The following KBTBD2 variants were observed in gnomAD, a reference collection of about 807,000 sequenced individuals.
KBTBD2 encodes kelch repeat and BTB domain-containing protein 2.
A neutral mutation model predicts 57.1 loss-of-function variants in KBTBD2; 17 were observed. The ratio of observed to expected loss-of-function variants is 0.30; its 90% CI spans 0.20 to 0.45. The LOEUF is 0.45. Ranked by LOEUF, KBTBD2 falls within the 20% of genes least tolerant of loss-of-function variation. The pLI, the probability that KBTBD2 is intolerant of heterozygous loss-of-function variation, is 1.00. For synonymous variants in KBTBD2, 267 were observed against 262.7 expected (o/e 1.02, Z -0.16); for missense variants, 515 against 750.6 (o/e 0.69, Z 3.67).
chr7:32,882,805 G>A (rs550507441), intron 1 of KBTBD2, among the ~76,000 whole-genome samples: 11 of 148,480 alleles, frequency 7.4e-5, no homozygotes, highest in Admixed American at 1.4e-4. Flanking sequence ...CCAACATGGC[G>A]AAACCCCATC....
At position 32,869,436 on chromosome 7, in the gene KBTBD2, G is replaced by C. The variant is rs17853783; in HGVS notation, c.1781C>G (p.Ser594Cys). The change falls in exon 4 of 4, where the codon TCT becomes TGT. Residue 594 changes from serine (S) to cysteine (C), a missense_variant. Coordinates refer to ENST00000304056, the MANE Select transcript of KBTBD2 (RefSeq NM_015483.3). Reference sequence around the variant, plus strand: ...AAGATAAGTTGGTGGTTTCCATGGAGACTCTTCAAGGCAGGATGGATAGAG... The same window carrying C: ...AAGATAAGTTGGTGGTTTCCATGGACACTCTTCAAGGCAGGATGGATAGAG... ...GKLYPSCLEE[S>C]PWKPPTYLFS... The C allele has an allele frequency of 6.2e-7, 1 of 1,614,060 alleles. No individual in the cohort carries two copies. The highest frequency in any genetic ancestry group is 1.1e-5 in the South Asian group (1 of 91,070).
chr7:32,879,943 CTAAAAA>C lies in KBTBD2; in HGVS notation c.-338-7_-338-2del. ...ATGTTCAGCGGATCCTGTGGAGTAA[CTAAAAA>C]GAAAAAAAGTTCAGTTGTAGTATCT... is the stretch of plus-strand genomic sequence containing the variant. On this transcript the variant is annotated splice_acceptor_variant and splice_polypyrimidine_tract_variant and intron_variant, in intron 1 of 3. Coordinates refer to ENST00000304056, the MANE Select transcript of KBTBD2 (RefSeq NM_015483.3). LOFTEE classifies it low-confidence loss of function (5UTR_SPLICE). 5.0e-6 allele frequency: 1 copy of C among 202,004 alleles called. No homozygotes were observed. Among genetic ancestry groups the C allele is most frequent in the Non-Finnish European group, 9.9e-6 (1 of 101,224 alleles). 12.5% of individuals were successfully genotyped at this position (202,004 alleles called of 1,614,324 possible).
In KBTBD2 at chr7:32,874,292, C is replaced by G. The variant is rs528413491; in HGVS notation, c.336+700G>C. On this transcript the variant is annotated intron_variant, in intron 3 of 3. Transcript: ENST00000304056. ...GTAGGCACCTGTAGTCCCAGCTACT[C>G]GGGAGGCTGAGGCAGGAGAATGGCA... Among the ~76,000 whole-genome samples the G allele has an allele frequency of 2.6e-5, 4 of 151,868 alleles. No individual in the cohort carries two copies. The South Asian group carries it at 6.2e-4, about 24-fold the overall frequency.
chr7:32,871,404 T>TA (rs1405687351), intron 3 of KBTBD2, among the ~76,000 whole-genome samples: 2 of 152,204 alleles, frequency 1.3e-5, no homozygotes, highest in East Asian at 1.9e-4. Context: ...GAAATAGACT[T>TA]ACGTGCAGTT....
At chr7:32,891,319 T>G (rs1024626953) in intron 1 of KBTBD2, among the ~76,000 whole-genome samples, 5 of 147,856 alleles carry the variant, frequency 3.4e-5, no homozygotes, top group Admixed American at 1.3e-4. Flanking sequence ...TCCGCCGCCC[T>G]GGGGCCGCCG....
At chr7:32,876,509 T>C (rs1351137232) in intron 2 of KBTBD2, among the ~76,000 whole-genome samples, 1 of 152,156 alleles carries the variant, frequency 6.6e-6, no homozygotes, top group African/African-American at 2.4e-5. Flanking sequence ...GAATTTAGCA[T>C]GACAAAATGT....
intron 1 of KBTBD2, among the ~76,000 whole-genome samples, chr7:32,888,553 C>CA (rs376500113): frequency 1.3e-3 from 186 of 146,652 alleles, no homozygotes; most frequent in South Asian, 3.3e-3. Flanking sequence ...AAAAACAAAC[C>CA]AAAAAAAAAC....
chr7:32,873,384 CAAAA>C (rs544661966), intron 3 of KBTBD2, among the ~76,000 whole-genome samples: 7 of 107,794 alleles, frequency 6.5e-5, no homozygotes, highest in Admixed American at 9.8e-5. Flanking sequence ...AAGCTCTAAG[CAAAA>C]AAAAAAAAAA....
chr7:32,869,930 G>C lies in KBTBD2; in HGVS notation c.1287C>G (p.Asp429Glu). 6.2e-7 allele frequency: 1 copy of C among 1,613,968 alleles called. No individual in the cohort carries two copies. ...WQWSAAVVVH[D>E]CIYVMTLNLM... Reference sequence around the variant, plus strand: ...GGTTCAGTGTCATCACATAAATGCAGTCATGAACCACAACTGCTGCACTCC... The same window carrying C: ...GGTTCAGTGTCATCACATAAATGCACTCATGAACCACAACTGCTGCACTCC... The change falls in exon 4 of 4, where the codon GAC (aspartate) becomes GAG (glutamate). Residue 429 changes from aspartate to glutamate, a missense_variant. Asp to Glu is a conservative substitution (Grantham distance 45, BLOSUM62 2). Coordinates refer to ENST00000304056, the MANE Select transcript of KBTBD2 (RefSeq NM_015483.3).
rs1019097139 is a variant in KBTBD2 at position 32,868,929 on chromosome 7, C to G, written c.*416G>C. ...GCAGTTGAATTAATTACACTGAAAA[C>G]TGTATTCCAGGACTTCAGAACAGAA... is the stretch of plus-strand genomic sequence containing the variant. On this transcript the variant is annotated 3_prime_UTR_variant, in exon 4 of 4. Coordinates refer to ENST00000304056, the MANE Select transcript of KBTBD2 (RefSeq NM_015483.3). The G allele has an allele frequency of 1.3e-5, 2 of 158,832 alleles. No individual in the cohort carries two copies. The highest frequency in any genetic ancestry group is 4.8e-5 in the African/African-American group (2 of 41,490). 9.8% of individuals were successfully genotyped at this position (158,832 alleles called of 1,614,324 possible). A position where few individuals can be genotyped will look rare whatever the true frequency, so the allele number is the denominator to read the frequency against.
At chr7:32,870,955 G>T in intron 3 of KBTBD2, 75 bp from the exon 4 acceptor site, 1 of 846,568 alleles carries the variant, frequency 1.2e-6, no homozygotes, top group Non-Finnish European at 1.8e-6. Flanking sequence ...TAAGACGTAA[G>T]TATATTAATC....
chr7:32,884,786 G>A (rs1052448609), intron 1 of KBTBD2, among the ~76,000 whole-genome samples: 1 of 151,748 alleles, frequency 6.6e-6, no homozygotes, highest in African/African-American at 2.4e-5. Flanking sequence ...TAGGCTTTGG[G>A]AGCCATAAGG....
At chr7:32,886,944 G>A (rs1389204301) in intron 1 of KBTBD2, among the ~76,000 whole-genome samples, 1 of 151,588 alleles carries the variant, frequency 6.6e-6, no homozygotes, top group Non-Finnish European at 1.5e-5. Context: ...GAGGTTGATG[G>A]CAGTGTTTTG....
chr7:32,881,521 A>G (rs902499701), intron 1 of KBTBD2, among the ~76,000 whole-genome samples: 2 of 152,056 alleles, frequency 1.3e-5, no homozygotes, highest in Non-Finnish European at 2.9e-5. Flanking sequence ...AATGACATAC[A>G]CTTCCTGACA....
rs116585194 is a variant in KBTBD2, at chr7:32,888,571, C to A, written c.-339+2965G>T. Among the ~76,000 whole-genome samples the A allele has an allele frequency of 8.7e-3, 1,311 of 151,486 alleles. 15 individuals carry two copies. Among genetic ancestry groups the A allele is most frequent in the African/African-American group, 0.027 (1,104 of 41,296 alleles). On this transcript the variant is annotated intron_variant, in intron 1 of 3. Coordinates refer to ENST00000304056, the MANE Select transcript of KBTBD2 (RefSeq NM_015483.3). Reference sequence around the variant, plus strand: ...AACAAACCAAAAAAAAACAAAAAAACCAAAAAAACAAACACCTGGCCTTTT... The same window carrying A: ...AACAAACCAAAAAAAAACAAAAAAAACAAAAAAACAAACACCTGGCCTTTT...
intron 1 of KBTBD2, among the ~76,000 whole-genome samples, chr7:32,880,308 G>GA (rs1281570271): frequency 6.6e-6 from 1 of 151,604 alleles, no homozygotes; most frequent in African/African-American, 2.4e-5. Context: ...TAATATTTAA[G>GA]AAAAAATATT....
chr7:32,875,061 T>C lies in KBTBD2; in HGVS notation c.267A>G (p.Ala89=). Residue 89 remains alanine (A), a synonymous_variant, in exon 3 of 4, where the codon GCA becomes GCG. Coordinates refer to ENST00000304056, the MANE Select transcript of KBTBD2 (RefSeq NM_015483.3). ...CATTCATTGCCAAGTTACCCGTGTA[T>C]GCATAAGTTATTATTATCTGTAAGG... ...AATLQIIITY[A]YTGNLAMNDS... is the part of the protein sequence containing the mutation. 2 of 1,614,208 alleles carry C rather than the reference T, an allele frequency of 1.2e-6. No homozygotes were observed. The highest frequency in any genetic ancestry group is 8.5e-7 in the Non-Finnish European group (1 of 1,180,010).
At position 32,875,085 on chromosome 7, in the gene KBTBD2, G is replaced by A. The variant is rs780975466; in HGVS notation, c.243C>T (p.Thr81=). ...HVHLRNVDAA[T]LQIIITYAYT... The stretch of plus-strand genomic sequence containing the variant: ...ATGCATAAGTTATTATTATCTGTAA[G>A]GTGGCAGCATCGACATTCCTCAGGT... Residue 81 remains threonine (T), a synonymous_variant, in exon 3 of 4, where the codon ACC becomes ACT. Coordinates refer to ENST00000304056, the MANE Select transcript of KBTBD2 (RefSeq NM_015483.3). The A allele has an allele frequency of 1.2e-6, 2 of 1,614,144 alleles. No homozygotes were observed. Among genetic ancestry groups the A allele is most frequent in the Non-Finnish European group, 1.7e-6 (2 of 1,179,978 alleles).
intron 1 of KBTBD2, among the ~76,000 whole-genome samples, chr7:32,886,333 T>C (rs1430502295): frequency 1.3e-5 from 2 of 152,222 alleles, no homozygotes; most frequent in African/African-American, 4.8e-5. Flanking sequence ...TAATACATTT[T>C]CTCTAGGATG....
Sources: allele counts gnomAD v4.1 joint callset (sites outside exome capture counted in the v4.1 genomes callset), GRCh38; gene constraint gnomAD v4.1.1; transcripts MANE v1.5; gene names NCBI Gene and HGNC (gene_info 2026-07-23, HGNC 2026-07-21).